SMC2: variants seen among roughly 807,000 people sequenced by gnomAD.
The protein encoded by SMC2 is structural maintenance of chromosomes protein 2.
Under a neutral mutation model 142.6 loss-of-function variants are expected in SMC2, and 41 were observed. The observed-to-expected ratio is 0.29, with a 90% CI of 0.22 to 0.37. The LOEUF (loss-of-function observed/expected upper bound fraction) is 0.37. SMC2 is among the 10% of genes least tolerant of loss of function. The probability of loss-of-function intolerance (pLI) is 1.00; values close to 1 mark genes in which losing one functional copy is unlikely to be tolerated. For missense variants in SMC2, 1,265 were observed against 1,373.7 expected, an observed-to-expected ratio of 0.92 and a Z score of 1.25; for synonymous variants, 463 against 457.5, an observed-to-expected ratio of 1.01 and a Z score of -0.15.
chr9:104,115,516 G>A (rs915532342), intron 13 of SMC2, among the ~76,000 whole-genome samples: 13 of 135,904 alleles, frequency 9.6e-5, no homozygotes, highest in African/African-American at 3.2e-4. Flanking sequence ...TGGAGGTTGC[G>A]GTAAGCTGCG....
At chr9:104,102,237 AC>A (rs747044449) in intron 8 of SMC2, 44 bp downstream of exon 8, 2 of 1,236,050 alleles carry the variant, frequency 1.6e-6, no homozygotes, top group South Asian at 2.8e-5. Flanking sequence ...TCTGTGAAAA[AC>A]GTACTAAATT....
chr9:104,115,945 G>A (rs1833059572), intron 13 of SMC2, among the ~76,000 whole-genome samples: 1 of 151,686 alleles, frequency 6.6e-6, no homozygotes, highest in African/African-American at 2.4e-5. Context: ...ATGTACAAGT[G>A]AGGTCATACA....
intron 9 of SMC2, among the ~76,000 whole-genome samples, chr9:104,108,701 C>T (rs1832092875): frequency 6.6e-6 from 1 of 152,200 alleles, no homozygotes; most frequent in Admixed American, 6.5e-5. Context: ...GTTAATAGAA[C>T]TCACCCATAC....
intron 13 of SMC2, among the ~76,000 whole-genome samples, chr9:104,115,839 T>A (rs1272055885): frequency 6.6e-6 from 1 of 152,168 alleles, no homozygotes; most frequent in Non-Finnish European, 1.5e-5. Flanking sequence ...CCCTTTGACC[T>A]ATGACCTACT....
intron 9 of SMC2, among the ~76,000 whole-genome samples, chr9:104,107,931 T>C (rs1396599306): frequency 6.6e-6 from 1 of 152,168 alleles, no homozygotes; most frequent in African/African-American, 2.4e-5. Flanking sequence ...TATGAGGTCT[T>C]AGGTGGCAGG....
In SMC2 at chr9:104,120,153, C is replaced by G. The variant is rs1190531795; in HGVS notation, c.2123C>G (p.Thr708Ser). The change falls in exon 16 of 25, where the codon ACT (threonine) becomes AGT (serine). Residue 708 changes from threonine (T) to serine (S), a missense_variant. Physicochemically the swap from Thr to Ser is moderately conservative, Grantham distance 58 (BLOSUM62 1). Coordinates refer to ENST00000374793, the MANE Select transcript of SMC2 (RefSeq NM_006444.3). ...GAGGAATTAGCAGGTCTTAAAAACACTGCTGAAAAGTAAGAACTGCATATA... is the reference window on the plus strand; with the variant it reads ...GAGGAATTAGCAGGTCTTAAAAACAGTGCTGAAAAGTAAGAACTGCATATA... Reference protein sequence around the residue: ...LEEELAGLKNTAEKYRQLKQQ... With the variant: ...LEEELAGLKNSAEKYRQLKQQ... The G allele has an allele frequency of 2.5e-6, 4 of 1,607,020 alleles. No homozygotes were observed. Among genetic ancestry groups the G allele is most frequent in the East Asian group, 4.5e-5 (2 of 44,612 alleles).
Position 104,127,325 on chromosome 9 carries a change from A to C in SMC2, c.2635A>C (p.Lys879Gln). 6.2e-7 allele frequency: 1 copy of C among 1,600,440 alleles called. No individual in the cohort carries two copies. ...AGCTCAAGAAGAGGTGACCAAGCAA[A>C]AAGAGGTGATAACAGCCCAAGACAC... is the stretch of plus-strand genomic sequence containing the variant. Reference protein sequence around the residue: ...NKAQEEVTKQKEVITAQDTVI... With the variant: ...NKAQEEVTKQQEVITAQDTVI... Residue 879 changes from lysine (K) to glutamine (Q), a missense_variant, in exon 20 of 25, where the codon AAA becomes CAA. Around this residue, in one of 4 missense-constraint regions of SMC2, gnomAD observed 898 missense variants for 904.2 expected, o/e 0.99. Coordinates refer to ENST00000374793, the MANE Select transcript of SMC2 (RefSeq NM_006444.3).
At chr9:104,090,710 G>T (rs1376535192), upstream of SMC2, among the ~76,000 whole-genome samples, 1 of 152,166 alleles carries the variant, frequency 6.6e-6, no homozygotes, top group Non-Finnish European at 1.5e-5. Flanking sequence ...GCAACTAAGG[G>T]TGTAAGAGAG....
chr9:104,112,299 A>G (rs1832550557), intron 10 of SMC2, among the ~76,000 whole-genome samples: 1 of 152,162 alleles, frequency 6.6e-6, no homozygotes, highest in South Asian at 2.1e-4. Flanking sequence ...ATGTAGCCAC[A>G]TTCTAGTCTG....
Position 104,100,152 on chromosome 9 carries a change from T to A in SMC2, c.540T>A (p.Ala180=). The A allele has an allele frequency of 1.3e-6, 2 of 1,579,002 alleles. No individual in the cohort carries two copies. Among genetic ancestry groups the A allele is most frequent in the Non-Finnish European group, 1.7e-6 (2 of 1,171,358 alleles). Residue 180 remains alanine, a synonymous_variant, in exon 6 of 25, where the codon GCT becomes GCA. Transcript: ENST00000374793. ...GTRMYEYKKI[A]AQKTIEKKEA... ...GGATGTATGAATACAAAAAAATAGCTGCACAGAAAACTATAGAAAAAAAGG... is the reference window on the plus strand; with the variant it reads ...GGATGTATGAATACAAAAAAATAGCAGCACAGAAAACTATAGAAAAAAAGG...
chr9:104,112,066 A>G (rs1832517295), intron 10 of SMC2, among the ~76,000 whole-genome samples: 1 of 152,218 alleles, frequency 6.6e-6, no homozygotes, highest in African/African-American at 2.4e-5. Flanking sequence ...AGTGCAATAA[A>G]TGCTTTGTTC....
At chr9:104,095,243 A>G (rs762224333) in intron 1 of SMC2, 81 bp from the exon 2 acceptor site, 9 of 640,788 alleles carry the variant, frequency 1.4e-5, no homozygotes, top group African/African-American at 5.4e-5. Context: ...CTATCACCCT[A>G]TCGTTGCTGT....
In SMC2 at chr9:104,120,901, T is replaced by G. The variant is rs1297426891; in HGVS notation, c.2132+739T>G. Among the ~76,000 whole-genome samples, 4 of 152,348 alleles carry G rather than the reference T, an allele frequency of 2.6e-5. No individual in the cohort carries two copies. In the South Asian group the frequency reaches 6.2e-4, roughly 24 times the overall value. On this transcript the variant is annotated intron_variant, in intron 16 of 24. Coordinates refer to ENST00000374793, the MANE Select transcript of SMC2 (RefSeq NM_006444.3). The stretch of plus-strand genomic sequence containing the variant: ...AATATCCCTGCCTTCATCTAGTTTT[T>G]TCTTGTTGGAGAAGCGGATGATAAA...
chr9:104,116,109 A>G, intron 13 of SMC2, 91 bp from the exon 14 acceptor site: 4 of 1,127,124 alleles, frequency 3.5e-6, no homozygotes, highest in Non-Finnish European at 3.7e-6. Context: ...ATGGCACTAA[A>G]CATTCATTTA....
chr9:104,097,834 A>G (rs1308710150), intron 3 of SMC2, among the ~76,000 whole-genome samples: 1 of 152,168 alleles, frequency 6.6e-6, no homozygotes, highest in Non-Finnish European at 1.5e-5. Flanking sequence ...ACTGGGATGT[A>G]CAGTTAGAAG....
At position 104,120,076 on chromosome 9, in the gene SMC2, A is replaced by T. The variant is rs1199258780; in HGVS notation, c.2046A>T (p.Lys682Asn). ...TTTTAACCAAGTTTCAAGAACTCAA[A>T]GATGTTCAGGATGAACTGAGAATCA... ...ASILTKFQEL[K>N]DVQDELRIKE... The change falls in exon 16 of 25, where the codon AAA becomes AAT. Residue 682 changes from lysine to asparagine, a missense_variant. Physicochemically the swap from Lys to Asn is moderately conservative, Grantham distance 94. Coordinates refer to ENST00000374793, the MANE Select transcript of SMC2 (RefSeq NM_006444.3). 3.7e-6 allele frequency: 6 copies of T among 1,613,924 alleles called. No homozygotes were observed. The highest frequency in any genetic ancestry group is 5.1e-6 in the Non-Finnish European group (6 of 1,179,960).
intron 24 of SMC2, 24 bp downstream of exon 24, chr9:104,138,189 C>T (rs772827629): frequency 1.5e-5 from 23 of 1,559,554 alleles, no homozygotes; most frequent in Non-Finnish European, 1.7e-5. Context: ...AAAAAAGTCT[C>T]AGTAATAGTT....
chr9:104,138,365 C>T (rs578259609), intron 24 of SMC2, among the ~76,000 whole-genome samples, 200 bp downstream of exon 24: 2 of 152,136 alleles, frequency 1.3e-5, no homozygotes, highest in South Asian at 4.2e-4. Context: ...AAGAGCTAGG[C>T]ATTAAAAATG....
At chr9:104,102,395 GT>G (rs1392558684) in intron 8 of SMC2, 28 bp from the exon 9 acceptor site, 1 of 1,568,998 alleles carries the variant, frequency 6.4e-7, no homozygotes, top group African/African-American at 1.4e-5. Context: ...TTTTACATAA[GT>G]GATTGAATTG....
Sources: gnomAD v4.1 joint callset for allele counts (sites outside exome capture counted in the v4.1 genomes callset) on GRCh38, gnomAD v4.1.1 for gene constraint, gnomAD v4.1.1 regional missense constraint, MANE v1.5 for transcripts, NCBI Gene and HGNC (gene_info 2026-07-23, HGNC 2026-07-21) for gene names.